The following MAGI2 variants were observed in gnomAD, a reference collection of about 807,000 sequenced individuals.
MAGI2 encodes membrane associated guanylate kinase, WW and PDZ domain containing 2, also known as membrane-associated guanylate kinase, WW and PDZ domain-containing protein 2.
Under a neutral mutation model 133.3 loss-of-function variants are expected in MAGI2, and 35 were observed. That is an observed-to-expected ratio of 0.26 (90% CI 0.20 to 0.35). MAGI2 has a LOEUF of 0.35. MAGI2 is among the 10% of genes least tolerant of loss of function. The pLI is 1.00. For synonymous variants in MAGI2, 729 were observed against 710.6 expected (o/e 1.03, Z -0.41); for missense variants, 1,636 against 1,863.4 (o/e 0.88, Z 2.25).
chr7:79,344,002 C>T (rs913469789), intron 1 of MAGI2, among the ~76,000 whole-genome samples: 2 of 151,978 alleles, frequency 1.3e-5, no homozygotes, highest in African/African-American at 2.4e-5. Flanking sequence ...CTGAGAGTAA[C>T]CTTAGAACTA....
chr7:78,532,537 GAAGGTCATATATA>G (rs572243629), intron 3 of MAGI2, among the ~76,000 whole-genome samples: 117 of 152,276 alleles, frequency 7.7e-4, no homozygotes, highest in African/African-American at 2.7e-3. Context: ...TTACTTTGTG[GAAGGTCATATATA>G]AAGCACTTCG....
intron 1 of MAGI2, among the ~76,000 whole-genome samples, chr7:79,421,632 C>T (rs1234820935): frequency 6.6e-6 from 1 of 151,638 alleles, no homozygotes; most frequent in Non-Finnish European, 1.5e-5. Flanking sequence ...TATAAGTGGC[C>T]CTATCTCATT....
chr7:78,751,492 A>G (rs369590924), intron 2 of MAGI2, among the ~76,000 whole-genome samples: 11 of 152,234 alleles, frequency 7.2e-5, no homozygotes, highest in Admixed American at 3.9e-4. Context: ...TTCCAAATTT[A>G]GATTACTTTA....
chr7:79,322,424 G>T lies in MAGI2; in HGVS notation c.301+130596C>A, dbSNP rs141613888. Among the ~76,000 whole-genome samples, 287 of 152,100 alleles carry T rather than the reference G, an allele frequency of 1.9e-3. 1 individual carries two copies. Among genetic ancestry groups the T allele is most frequent in the African/African-American group, 6.3e-3 (261 of 41,484 alleles). ...CCAGACTCTGAAGCCAGACTGTCTA[G>T]GTCCAAATGCAACTGTTGCCACTGT... is the stretch of plus-strand genomic sequence containing the variant. On this transcript the variant is annotated intron_variant, in intron 1 of 21. Coordinates refer to ENST00000354212, the MANE Select transcript of MAGI2 (RefSeq NM_012301.4).
chr7:78,754,535 G>C (rs1823767191), intron 2 of MAGI2, among the ~76,000 whole-genome samples: 3 of 152,098 alleles, frequency 2.0e-5, no homozygotes, highest in Non-Finnish European at 4.4e-5. Context: ...ATTTTGCAGA[G>C]TATAGCCTGT....
intron 2 of MAGI2, among the ~76,000 whole-genome samples, chr7:78,926,924 C>A (rs1228231219): frequency 6.6e-6 from 1 of 151,806 alleles, no homozygotes; most frequent in African/African-American, 2.4e-5. Context: ...TGAGAAAAAC[C>A]TACAAGCTAA....
At chr7:79,032,408 C>T (rs1052774550) in intron 1 of MAGI2, among the ~76,000 whole-genome samples, 1 of 151,494 alleles carries the variant, frequency 6.6e-6, no homozygotes, top group Non-Finnish European at 1.5e-5. Flanking sequence ...ATCTCAGCTA[C>T]TTGGGAGGCT....
rs11976022 is a variant in MAGI2 at position 79,360,916 on chromosome 7, G to A, written c.301+92104C>T. ...TAAATATAAATACAAAATAAAAAAT[G>A]AGGATTGGTAGTGTGGATAAACAAA... On this transcript the variant is annotated intron_variant, in intron 1 of 21. Transcript: ENST00000354212. 7.0e-3 allele frequency among the ~76,000 whole-genome samples: 1,066 copies of A among 152,204 alleles called. 6 individuals are homozygous for A. The highest frequency in any genetic ancestry group is 0.024 in the African/African-American group (990 of 41,558).
At chr7:78,921,458 G>A (rs1025368961) in intron 2 of MAGI2, among the ~76,000 whole-genome samples, 4 of 151,992 alleles carry the variant, frequency 2.6e-5, no homozygotes, top group Non-Finnish European at 4.4e-5. Flanking sequence ...CTTTAAATAC[G>A]GCTCTTCTGT....
At chr7:79,242,302 A>G (rs1201956563) in intron 1 of MAGI2, among the ~76,000 whole-genome samples, 2 of 152,188 alleles carry the variant, frequency 1.3e-5, no homozygotes, top group African/African-American at 4.8e-5. Flanking sequence ...TACAATTTTT[A>G]TCTGTCAATT....
chr7:79,408,167 T>TG (rs1197433156), intron 1 of MAGI2, among the ~76,000 whole-genome samples: 1 of 152,122 alleles, frequency 6.6e-6, no homozygotes, highest in Non-Finnish European at 1.5e-5. Flanking sequence ...TTTTGTGTAC[T>TG]GTTAGAATTA....
chr7:78,037,510 G>A (rs2151076693), intron 21 of MAGI2, among the ~76,000 whole-genome samples: 1 of 152,246 alleles, frequency 6.6e-6, no homozygotes, highest in African/African-American at 2.4e-5. Context: ...AAACTGATTG[G>A]TGTCAATTTG....
At chr7:78,381,261 G>A (rs1794897272) in intron 6 of MAGI2, among the ~76,000 whole-genome samples, 1 of 152,032 alleles carries the variant, frequency 6.6e-6, no homozygotes, top group South Asian at 2.1e-4. Context: ...GCAAGAGAAT[G>A]GCTTTAACTC....
At chr7:79,191,676 A>C (rs1433536189) in intron 1 of MAGI2, among the ~76,000 whole-genome samples, 2 of 151,624 alleles carry the variant, frequency 1.3e-5, no homozygotes, top group African/African-American at 2.4e-5. Context: ...TACTTTTTAA[A>C]TTCTTATGTT....
chr7:79,154,780 T>C (rs576078981), intron 1 of MAGI2, among the ~76,000 whole-genome samples: 1 of 152,290 alleles, frequency 6.6e-6, no homozygotes, highest in South Asian at 2.1e-4. Flanking sequence ...TCATTTGTGC[T>C]TTTTTCTAAC....
intron 10 of MAGI2, among the ~76,000 whole-genome samples, chr7:78,219,475 G>T (rs1788593273): frequency 6.6e-6 from 1 of 152,076 alleles, no homozygotes; most frequent in Non-Finnish European, 1.5e-5. Context: ...TCTCACTGAG[G>T]CATTCTCCTG....
chr7:78,635,275 A>C (rs1203292689), intron 2 of MAGI2, among the ~76,000 whole-genome samples: 2 of 152,228 alleles, frequency 1.3e-5, no homozygotes, highest in Non-Finnish European at 2.9e-5. Context: ...TAAATGAAGG[A>C]ACATTGCTCT....
At chr7:79,368,663 A>G (rs1248606741) in intron 1 of MAGI2, among the ~76,000 whole-genome samples, 1 of 151,466 alleles carries the variant, frequency 6.6e-6, no homozygotes, top group Non-Finnish European at 1.5e-5. Flanking sequence ...CCCGGCTAAA[A>G]CGGTGAAACC....
intron 9 of MAGI2, among the ~76,000 whole-genome samples, chr7:78,263,533 G>A (rs555412492): frequency 6.6e-6 from 1 of 152,188 alleles, no homozygotes; most frequent in South Asian, 2.1e-4. Context: ...GTGAGCTTGT[G>A]GGGTAATGGG....
Sources: gnomAD v4.1 joint callset for allele counts (sites outside exome capture counted in the v4.1 genomes callset) on GRCh38, gnomAD v4.1.1 for gene constraint, MANE v1.5 for transcripts, NCBI Gene and HGNC (gene_info 2026-07-23, HGNC 2026-07-21) for gene names.